ALPK2: variants seen among roughly 807,000 people sequenced by gnomAD.
The protein encoded by ALPK2 is alpha-protein kinase 2.
In ALPK2, 127 loss-of-function variants were observed where a neutral mutation model predicts 163.1. The observed-to-expected ratio is 0.78, with a 90% CI of 0.67 to 0.90. The LOEUF is 0.90. Ranked by LOEUF, ALPK2 falls within the 40% of genes least tolerant of loss-of-function variation. The pLI is 0.00. For synonymous variants in ALPK2, 953 were observed against 959.1 expected (o/e 0.99, Z 0.12); for missense variants, 2,360 against 2,589.6 (o/e 0.91, Z 1.92).
At chr18:58,518,551 G>A (rs1400350446) in intron 8 of ALPK2, among the ~76,000 whole-genome samples, 1 of 152,180 alleles carries the variant, frequency 6.6e-6, no homozygotes. Flanking sequence ...AGGTAATTAA[G>A]AAGAAGCAGA....
intron 11 of ALPK2, among the ~76,000 whole-genome samples, chr18:58,498,427 G>A (rs1175383549): frequency 6.6e-6 from 1 of 152,150 alleles, no homozygotes; most frequent in East Asian, 1.9e-4. Flanking sequence ...TGCTTGTCCC[G>A]TAAGCAATCT....
chr18:58,537,061 A>G lies in ALPK2; in HGVS notation c.3126T>C (p.Arg1042=). The G allele has an allele frequency of 3.1e-6, 5 of 1,614,242 alleles. No homozygotes were observed. Among genetic ancestry groups the G allele is most frequent in the East Asian group, 2.2e-5 (1 of 44,882 alleles). The stretch of plus-strand genomic sequence containing the variant: ...ATTGGGAAACCTTTTCATGGGATGC[A>G]CGAGGGAACCTCTCCTCAGTGCCAC... ...HAGGTEERFP[R]ASHEKVSQFP... The change falls in exon 5 of 13, where the codon CGT becomes CGC. Residue 1042 remains arginine (R), a synonymous_variant. Coordinates refer to ENST00000361673, the MANE Select transcript of ALPK2 (RefSeq NM_052947.4).
intron 11 of ALPK2, among the ~76,000 whole-genome samples, chr18:58,502,060 G>A (rs1209639416): frequency 6.6e-6 from 1 of 150,448 alleles, no homozygotes; most frequent in Non-Finnish European, 1.5e-5. Flanking sequence ...CAGCACTTTG[G>A]GAGGCCAAGG....
intron 3 of ALPK2, among the ~76,000 whole-genome samples, chr18:58,589,084 C>A (rs1183388596): frequency 1.3e-5 from 2 of 152,138 alleles, no homozygotes; most frequent in Non-Finnish European, 2.9e-5. Context: ...AAGCTATTCA[C>A]CAAGGGAAGC....
chr18:58,496,888 T>C (rs760902615), intron 12 of ALPK2, among the ~76,000 whole-genome samples: 30 of 152,180 alleles, frequency 2.0e-4, no homozygotes, highest in Non-Finnish European at 2.9e-4. Flanking sequence ...ACCCCCTCTG[T>C]GGTCTCTCAT....
At chr18:58,626,200 A>G (rs1422106417) in intron 1 of ALPK2, among the ~76,000 whole-genome samples, 1 of 152,182 alleles carries the variant, frequency 6.6e-6, no homozygotes, top group African/African-American at 2.4e-5. Flanking sequence ...AGGGGCAACA[A>G]GAAAGATGTC....
chr18:58,541,576 C>T (rs1057410562), intron 4 of ALPK2, among the ~76,000 whole-genome samples: 12 of 152,332 alleles, frequency 7.9e-5, no homozygotes, highest in African/African-American at 2.4e-4. Context: ...AATCCTTGAC[C>T]GTGTAAATTC....
chr18:58,553,091 A>G (rs2051768328), intron 4 of ALPK2, among the ~76,000 whole-genome samples: 1 of 152,116 alleles, frequency 6.6e-6, no homozygotes, highest in South Asian at 2.1e-4. Flanking sequence ...GGAACCCCCA[A>G]GGGCTTCTGG....
intron 10 of ALPK2, among the ~76,000 whole-genome samples, chr18:58,512,744 GGTGTGTGTT>G (rs1446000237): frequency 3.0e-5 from 2 of 66,116 alleles, no homozygotes; most frequent in Non-Finnish European, 9.1e-5. Flanking sequence ...TGTGTTATGT[GGTGTGTGTT>G]GTGTGTATGT....
chr18:58,494,007 G>A (rs564093029), intron 12 of ALPK2, among the ~76,000 whole-genome samples: 71 of 152,230 alleles, frequency 4.7e-4, no homozygotes, highest in African/African-American at 1.5e-3. Flanking sequence ...CAATCTCGTC[G>A]CCTCCCCGGG....
At chr18:58,523,776 C>T (rs1408672992) in intron 8 of ALPK2, 30 bp downstream of exon 8, 1 of 1,614,136 alleles carries the variant, frequency 6.2e-7, no homozygotes, top group East Asian at 2.2e-5. Context: ...AAGCCCATTT[C>T]CTCTGGCAGG....
intron 3 of ALPK2, among the ~76,000 whole-genome samples, chr18:58,600,229 G>A (rs1054100635): frequency 6.6e-6 from 1 of 151,952 alleles, no homozygotes; most frequent in South Asian, 2.1e-4. Context: ...TACAGACAGG[G>A]TTTCACCATG....
rs1438475121 is a variant in ALPK2 at position 58,585,068 on chromosome 18, A to G, written c.228-4520T>C. Among the ~76,000 whole-genome samples the G allele has an allele frequency of 2.0e-5, 3 of 152,298 alleles. No homozygotes were observed. In the South Asian group the frequency reaches 6.2e-4, roughly 32 times the overall value. ...AATTCTCTAGGTTCTTTATAAATTA[A>G]TCATTTCCTTATTAAAGAAAAAGAG... On this transcript the variant is annotated intron_variant, in intron 3 of 12. Transcript: ENST00000361673.
intron 11 of ALPK2, among the ~76,000 whole-genome samples, chr18:58,498,587 ACCCAAATC>A (rs745353278): frequency 2.6e-5 from 4 of 152,224 alleles, no homozygotes; most frequent in Non-Finnish European, 5.9e-5. Flanking sequence ...CCATGTCCCC[ACCCAAATC>A]TCATCTTGAA....
chr18:58,549,182 T>C (rs775800932), intron 4 of ALPK2, among the ~76,000 whole-genome samples: 2 of 152,184 alleles, frequency 1.3e-5, no homozygotes, highest in Non-Finnish European at 2.9e-5. Flanking sequence ...ATGTACCACT[T>C]AGAAGACATC....
At chr18:58,591,696 C>A (rs1024953732) in intron 3 of ALPK2, among the ~76,000 whole-genome samples, 3 of 152,134 alleles carry the variant, frequency 2.0e-5, no homozygotes, top group Non-Finnish European at 4.4e-5. Flanking sequence ...TGGAAGGAGG[C>A]AGGAAAGCTT....
intron 4 of ALPK2, among the ~76,000 whole-genome samples, chr18:58,541,108 T>C (rs1019301902): frequency 2.0e-5 from 3 of 152,240 alleles, no homozygotes; most frequent in Admixed American, 1.3e-4. Context: ...TGCACTGCTA[T>C]AAATACCTGA....
At chr18:58,518,543 GTAAT>G (rs1325191637) in intron 8 of ALPK2, among the ~76,000 whole-genome samples, 2 of 152,276 alleles carry the variant, frequency 1.3e-5, no homozygotes, top group East Asian at 1.9e-4. Context: ...TGAGCTGAAG[GTAAT>G]TAAGAAGAAG....
Position 58,517,089 on chromosome 18 carries a change from G to T in ALPK2, c.5759C>A (p.Thr1920Lys). 3 of 1,614,256 alleles carry T rather than the reference G, an allele frequency of 1.9e-6. No homozygotes were observed. The highest frequency in any genetic ancestry group is 2.5e-6 in the Non-Finnish European group (3 of 1,180,036). The change falls in exon 9 of 13, where the codon ACG (threonine) becomes AAG (lysine). Residue 1920 changes from threonine to lysine, a missense_variant. Physicochemically the swap from Thr to Lys is moderately conservative, Grantham distance 78 (BLOSUM62 -1). Transcript: ENST00000361673. ...FGGRLRGQIATEELHFGEGVH... is the reference protein window; with the variant it reads ...FGGRLRGQIAKEELHFGEGVH... Reference sequence around the variant, plus strand: ...CCCTTCTCCAAAGTGCAGCTCCTCCGTGGCGATCTGACCACGCAGGCGGCC... The same window carrying T: ...CCCTTCTCCAAAGTGCAGCTCCTCCTTGGCGATCTGACCACGCAGGCGGCC...
Sources: allele counts gnomAD v4.1 joint callset (sites outside exome capture counted in the v4.1 genomes callset), GRCh38; gene constraint gnomAD v4.1.1; transcripts MANE v1.5; gene names NCBI Gene and HGNC (gene_info 2026-07-23, HGNC 2026-07-21).